The following PRKN variants were observed in gnomAD, a reference collection of about 807,000 sequenced individuals.
The protein encoded by PRKN is parkin RBR E3 ubiquitin protein ligase, also known as E3 ubiquitin-protein ligase parkin.
A neutral mutation model predicts 59.5 loss-of-function variants in PRKN; 56 were observed. That is an observed-to-expected ratio of 0.94 (90% CI 0.76 to 1.18). PRKN has a LOEUF of 1.18. PRKN is among the 50% of genes most tolerant of loss of function. The pLI is 0.00. For missense variants in PRKN, 657 were observed against 596.4 expected (o/e 1.10, Z -1.06); for synonymous variants, 250 against 222.1 (o/e 1.13, Z -1.12).
At chr6:162,117,654 C>T (rs906765233) in intron 4 of PRKN, among the ~76,000 whole-genome samples, 1 of 152,194 alleles carries the variant, frequency 6.6e-6, no homozygotes, top group Non-Finnish European at 1.5e-5. Context: ...TAATGCAGTT[C>T]TGCACGAACA....
chr6:162,476,583 A>G (rs1038126565), intron 1 of PRKN, among the ~76,000 whole-genome samples: 4 of 152,194 alleles, frequency 2.6e-5, no homozygotes, highest in Non-Finnish European at 5.9e-5. Context: ...ACTGTGGAAA[A>G]GAAAACAGGC....
At chr6:161,381,113 C>T (rs12208181) in intron 10 of PRKN, among the ~76,000 whole-genome samples, 11,907 of 152,270 alleles carry the variant, frequency 0.078, 583 homozygotes, top group Non-Finnish European at 0.1. Context: ...ATTGACAGGT[C>T]CATGAAGCAG....
chr6:162,347,923 C>T (rs1028128575), intron 2 of PRKN, among the ~76,000 whole-genome samples: 2 of 152,108 alleles, frequency 1.3e-5, no homozygotes, highest in African/African-American at 4.8e-5. Context: ...GCCTTGAGAG[C>T]GTTTCCAGGC....
intron 1 of PRKN, among the ~76,000 whole-genome samples, chr6:162,483,140 A>T (rs1371786233): frequency 6.6e-6 from 1 of 152,184 alleles, no homozygotes. Flanking sequence ...ACATAATGTG[A>T]ACCCCTATCC....
chr6:162,138,267 G>C (rs1462863516), intron 4 of PRKN, among the ~76,000 whole-genome samples: 1 of 152,176 alleles, frequency 6.6e-6, no homozygotes, highest in Non-Finnish European at 1.5e-5. Flanking sequence ...AGAGTGGAGA[G>C]ACCTTATGGT....
chr6:161,622,962 C>T (rs535175717), intron 7 of PRKN, among the ~76,000 whole-genome samples: 9 of 152,310 alleles, frequency 5.9e-5, no homozygotes, highest in Non-Finnish European at 1.3e-4. Context: ...CTTGTCTTGG[C>T]AAAAGCATAT....
chr6:161,868,517 G>A (rs111828149), intron 6 of PRKN, among the ~76,000 whole-genome samples: 1 of 152,070 alleles, frequency 6.6e-6, no homozygotes. Context: ...GGAGGCAGAG[G>A]TTGCAGTGAG....
intron 2 of PRKN, among the ~76,000 whole-genome samples, chr6:162,390,115 G>A (rs900863781): frequency 3.9e-5 from 6 of 151,926 alleles, no homozygotes; most frequent in African/African-American, 9.7e-5. Context: ...TTCATTTCCC[G>A]TAAATGTTGG....
chr6:161,997,217 T>A (rs541547911), intron 5 of PRKN, among the ~76,000 whole-genome samples: 1 of 152,236 alleles, frequency 6.6e-6, no homozygotes, highest in South Asian at 2.1e-4. Context: ...TCATTAAATA[T>A]AGTGACTTCT....
At chr6:161,698,592 A>G (rs1786121022) in intron 7 of PRKN, among the ~76,000 whole-genome samples, 1 of 149,402 alleles carries the variant, frequency 6.7e-6, no homozygotes, top group African/African-American at 2.6e-5. Context: ...AATTATCAGA[A>G]TAATGTGGTA....
intron 2 of PRKN, among the ~76,000 whole-genome samples, chr6:162,412,622 C>A: frequency 6.6e-6 from 1 of 152,114 alleles, no homozygotes; most frequent in East Asian, 1.9e-4. Flanking sequence ...CCCAACACTA[C>A]AAATATGTAC....
At chr6:161,531,708 C>T (rs893414799) in intron 9 of PRKN, among the ~76,000 whole-genome samples, 56 of 152,058 alleles carry the variant, frequency 3.7e-4, no homozygotes, top group Non-Finnish European at 7.2e-4. Flanking sequence ...GGCACCTATT[C>T]CTTGGAAAGA....
intron 9 of PRKN, among the ~76,000 whole-genome samples, chr6:161,426,129 A>G (rs1200416393): frequency 2.6e-5 from 4 of 152,182 alleles, no homozygotes; most frequent in Admixed American, 6.5e-5. Flanking sequence ...AAGGAAAACA[A>G]AAAGAGGAAG....
intron 9 of PRKN, among the ~76,000 whole-genome samples, chr6:161,422,197 CTT>C (rs527857631): frequency 3.2e-4 from 42 of 130,032 alleles, no homozygotes; most frequent in African/African-American, 4.1e-4. Flanking sequence ...CAAATAAAAT[CTT>C]TTTTTTTTTT....
chr6:161,596,979 T>C (rs889981209), intron 7 of PRKN, among the ~76,000 whole-genome samples: 3 of 152,214 alleles, frequency 2.0e-5, no homozygotes, highest in African/African-American at 7.2e-5. Context: ...GGAGTGTTCA[T>C]AGGACCTAGT....
At chr6:162,322,222 C>A (rs146399275) in intron 2 of PRKN, among the ~76,000 whole-genome samples, 8 of 151,614 alleles carry the variant, frequency 5.3e-5, no homozygotes, top group African/African-American at 1.2e-4. Context: ...ATATAAAATA[C>A]GCAAAAATAA....
rs538122339 is a variant in PRKN at position 162,457,875 on chromosome 6, C to T, written c.8-14402G>A. Among the ~76,000 whole-genome samples the T allele has an allele frequency of 2.6e-5, 4 of 151,736 alleles. No individual in the cohort carries two copies. In the South Asian group the frequency reaches 8.4e-4, roughly 32 times the overall value. On this transcript the variant is annotated intron_variant, in intron 1 of 11. Coordinates refer to ENST00000366898, the MANE Select transcript of PRKN (RefSeq NM_004562.3). ...GTGGCTCTCATCTGTAATCCCAGCA[C>T]TTTGGGAGGCCGAGGTGGGCAGATC...
At chr6:162,404,786 A>G (rs1161329182) in intron 2 of PRKN, among the ~76,000 whole-genome samples, 2 of 152,140 alleles carry the variant, frequency 1.3e-5, no homozygotes, top group Non-Finnish European at 2.9e-5. Flanking sequence ...TCCTGACCTC[A>G]GGTGATCTGC....
chr6:161,907,472 T>C (rs1308178088), intron 6 of PRKN, among the ~76,000 whole-genome samples: 1 of 152,218 alleles, frequency 6.6e-6, no homozygotes, highest in East Asian at 1.9e-4. Flanking sequence ...ACACATATTC[T>C]ATATTAGCAC....
Sources: gnomAD v4.1 joint callset for allele counts (sites outside exome capture counted in the v4.1 genomes callset) on GRCh38, gnomAD v4.1.1 for gene constraint, MANE v1.5 for transcripts, NCBI Gene and HGNC (gene_info 2026-07-23, HGNC 2026-07-21) for gene names.